BCL2L13: variants seen among roughly 807,000 people sequenced by gnomAD.
BCL2L13 encodes the protein BCL2 like 13.
In BCL2L13, 13 loss-of-function variants were observed where a neutral mutation model predicts 25.8. The observed-to-expected ratio is 0.50, with a 90% CI of 0.33 to 0.80. The LOEUF (loss-of-function observed/expected upper bound fraction) is 0.80, where lower values mean the gene tolerates loss of function less well. Among genes scored for constraint, BCL2L13 ranks in the 30% least tolerant of loss-of-function variants. The probability of loss-of-function intolerance (pLI) is 0.02; values close to 1 mark genes in which losing one functional copy is unlikely to be tolerated. For missense variants in BCL2L13, 504 were observed against 574.9 expected, an observed-to-expected ratio of 0.88 and a Z score of 1.26; for synonymous variants, 244 against 230.3, an observed-to-expected ratio of 1.06 and a Z score of -0.54.
rs2145745059 is a variant in BCL2L13 at position 17,709,118 on chromosome 22, C to G, written c.600+6732C>G. On this transcript the variant is annotated intron_variant, in intron 6 of 6. Transcript: ENST00000317582. ...GGGCGTGGTGGCAGGCACCTGTAGTCCCAGCTACTCGGGAGGCTGAGGCAG... is the reference window on the plus strand; with the variant it reads ...GGGCGTGGTGGCAGGCACCTGTAGTGCCAGCTACTCGGGAGGCTGAGGCAG... Among the ~76,000 whole-genome samples, 2 of 152,188 alleles carry G rather than the reference C, an allele frequency of 1.3e-5. 1 individual carries two copies. Among genetic ancestry groups the G allele is most frequent in the Middle Eastern group, 6.8e-3 (2 of 294 alleles).
chr22:17,674,919 TAAA>T (rs367945465), intron 2 of BCL2L13, among the ~76,000 whole-genome samples: 1 of 151,834 alleles, frequency 6.6e-6, no homozygotes. Flanking sequence ...AAATAGTAAA[TAAA>T]AAAATCAGGA....
chr22:17,665,226 C>T (rs978724549), intron 2 of BCL2L13, among the ~76,000 whole-genome samples: 1 of 152,190 alleles, frequency 6.6e-6, no homozygotes, highest in Non-Finnish European at 1.5e-5. Context: ...GGGCAAAACG[C>T]CACCAGTCTC....
rs1203204869 is a variant in BCL2L13 at position 17,640,185 on chromosome 22, G to A, written c.-51+1299G>A. Among the ~76,000 whole-genome samples the A allele has an allele frequency of 3.9e-5, 6 of 151,966 alleles. No individual in the cohort carries two copies. The South Asian group carries it at 1.2e-3, about 31-fold the overall frequency. On this transcript the variant is annotated intron_variant, in intron 1 of 6. Transcript: ENST00000317582. Reference sequence around the variant, plus strand: ...TTTTTTCAACCACCCCCGCGCCACCGCATGAAGTATTATTTTCATTTTTAA... The same window carrying A: ...TTTTTTCAACCACCCCCGCGCCACCACATGAAGTATTATTTTCATTTTTAA...
chr22:17,630,911 T>C lies in BCL2L13; in HGVS notation c.-650+1906T>C, dbSNP rs139534701. Among the ~76,000 whole-genome samples, 56 of 151,956 alleles carry C rather than the reference T, an allele frequency of 3.7e-4. No individual in the cohort carries two copies. In the East Asian group the frequency reaches 9.9e-3, roughly 27 times the overall value. On this transcript the variant is annotated intron_variant, in intron 1 of 6. Coordinates refer to the BCL2L13 transcript ENST00000399782. ...CAGCCATAACCTTTTTTTAATAACCTTACTTTTTAACCTTTTATAACCTTC... is the reference window on the plus strand; with the variant it reads ...CAGCCATAACCTTTTTTTAATAACCCTACTTTTTAACCTTTTATAACCTTC...
intron 4 of BCL2L13, among the ~76,000 whole-genome samples, chr22:17,689,567 G>A (rs770789379): frequency 3.9e-5 from 6 of 152,056 alleles, no homozygotes; most frequent in Non-Finnish European, 5.9e-5. Flanking sequence ...TTTATTGACC[G>A]GGCGCGGTGG....
At chr22:17,683,191 A>G (rs1432511092) in intron 2 of BCL2L13, 23 bp from the exon 3 acceptor site, 3 of 1,331,554 alleles carry the variant, frequency 2.3e-6, no homozygotes, top group Non-Finnish European at 3.2e-6. Flanking sequence ...TCTTTCAATA[A>G]TAACCTTTTT....
upstream of BCL2L13, among the ~76,000 whole-genome samples, chr22:17,635,058 G>C (rs2146350383): frequency 6.6e-6 from 1 of 151,762 alleles, no homozygotes. Context: ...CTGTAGGCTA[G>C]AGATCTGTAG....
intron 3 of BCL2L13, among the ~76,000 whole-genome samples, chr22:17,688,437 C>G (rs770865498): frequency 6.6e-6 from 1 of 152,124 alleles, no homozygotes; most frequent in Non-Finnish European, 1.5e-5. Flanking sequence ...AAAACAAAAT[C>G]TTAAAAACAG....
intron 6 of BCL2L13, among the ~76,000 whole-genome samples, chr22:17,721,525 A>ATTTTTTT (rs3044620): frequency 7.3e-5 from 9 of 122,776 alleles, no homozygotes; most frequent in African/African-American, 9.6e-5. Context: ...CTTATAAGAA[A>ATTTTTTT]TTTTTTTTTT....
At chr22:17,726,541 A>G (rs1425631176) in intron 6 of BCL2L13, 136 bp from the exon 7 acceptor site, 11 of 1,029,556 alleles carry the variant, frequency 1.1e-5, no homozygotes, top group South Asian at 8.5e-5. Context: ...CATGCATTCC[A>G]TTCGGAAACT....
At chr22:17,651,422 G>C (rs1033569771) in intron 1 of BCL2L13, among the ~76,000 whole-genome samples, 2 of 150,676 alleles carry the variant, frequency 1.3e-5, no homozygotes, top group Non-Finnish European at 3.0e-5. Context: ...TTACTCTGTT[G>C]CCCAGGCTGG....
Position 17,727,004 on chromosome 22 carries a change from G to C in BCL2L13, c.928G>C (p.Val310Leu), listed in dbSNP as rs779080660. The change falls in exon 7 of 7, where the codon GTG becomes CTG. Residue 310 changes from valine (V) to leucine (L), a missense_variant. Val to Leu is a conservative substitution (Grantham distance 32). Coordinates refer to ENST00000317582, the MANE Select transcript of BCL2L13 (RefSeq NM_015367.4). ...NNSSNSDIVHVEKEEVPEGME... is the reference protein window; with the variant it reads ...NNSSNSDIVHLEKEEVPEGME... ...CTCCTCTAATTCTGACATTGTGCAC[G>C]TGGAGAAAGAAGAGGTGCCCGAGGG... 2 of 1,614,194 alleles carry C rather than the reference G, an allele frequency of 1.2e-6. No homozygotes were observed. Among genetic ancestry groups the C allele is most frequent in the Non-Finnish European group, 1.7e-6 (2 of 1,180,042 alleles).
At chr22:17,716,998 C>T (rs147012666) in intron 6 of BCL2L13, among the ~76,000 whole-genome samples, 1 of 152,304 alleles carries the variant, frequency 6.6e-6, no homozygotes, top group Non-Finnish European at 1.5e-5. Flanking sequence ...AATCTTTCCT[C>T]CTCCAGCTCC....
intron 6 of BCL2L13, among the ~76,000 whole-genome samples, chr22:17,719,153 CAAAA>C (rs59630355): frequency 2.4e-4 from 11 of 45,504 alleles, no homozygotes; most frequent in African/African-American, 6.0e-4. Context: ...GGCTCTGTCT[CAAAA>C]AAAAAAAAAA....
upstream of BCL2L13, chr22:17,638,608 AGGGTTT>A: frequency 9.0e-7 from 1 of 1,114,398 alleles, no homozygotes; most frequent in Non-Finnish European, 1.1e-6. Context: ...GCGGGCTAGG[AGGGTTT>A]GGGTCTTCAG....
chr22:17,650,831 C>A (rs1018332768), intron 1 of BCL2L13, among the ~76,000 whole-genome samples: 4 of 151,814 alleles, frequency 2.6e-5, no homozygotes, highest in African/African-American at 9.7e-5. Flanking sequence ...TCTCGGCCTC[C>A]CAAGTAACTG....
Position 17,689,151 on chromosome 22 carries a change from C to G in BCL2L13, c.386+9C>G. The G allele has an allele frequency of 1.9e-6, 3 of 1,613,334 alleles. No homozygotes were observed. Among genetic ancestry groups the G allele is most frequent in the Non-Finnish European group, 2.5e-6 (3 of 1,179,532 alleles). On this transcript the variant is annotated intron_variant, in intron 4 of 6. Transcript: ENST00000317582. ...CAAATGCTCCTGAGCCAGTGAGTTACACTGCTGAGTGGGATGTGCTTCTTT... is the reference window on the plus strand; with the variant it reads ...CAAATGCTCCTGAGCCAGTGAGTTAGACTGCTGAGTGGGATGTGCTTCTTT...
At chr22:17,693,372 G>C (rs989862778) in intron 4 of BCL2L13, among the ~76,000 whole-genome samples, 1 of 70,612 alleles carries the variant, frequency 1.4e-5, no homozygotes, top group African/African-American at 5.2e-5. Flanking sequence ...TTTAGTGTTT[G>C]TTTTTTTTTT....
rs1569026108 is a variant in BCL2L13, at chr22:17,727,657, C to T, written c.*123C>T. The T allele has an allele frequency of 1.5e-6, 2 of 1,363,472 alleles. No homozygotes were observed. The highest frequency in any genetic ancestry group is 1.4e-5 in the African/African-American group (1 of 69,320). 84.5% of individuals were successfully genotyped at this position (1,363,472 alleles called of 1,614,324 possible). ...TCTGGGATAATTGGGGACTTCTGCT[C>T]AACATGGCAGTGGCATGTTAGGCAT... On this transcript the variant is annotated 3_prime_UTR_variant, in exon 7 of 7. Transcript: ENST00000317582.
Sources: allele counts gnomAD v4.1 joint callset (sites outside exome capture counted in the v4.1 genomes callset), GRCh38; gene constraint gnomAD v4.1.1; transcripts MANE v1.5; gene names NCBI Gene and HGNC (gene_info 2026-07-23, HGNC 2026-07-21).